The following TNFRSF10A variants were observed in gnomAD, a reference collection of about 807,000 sequenced individuals.
TNFRSF10A encodes the protein TNF receptor superfamily member 10a, also known as tumor necrosis factor receptor superfamily member 10A.
In TNFRSF10A, 44 loss-of-function variants were observed where a neutral mutation model predicts 42.8. That is an observed-to-expected ratio of 1.03 (90% CI 0.81 to 1.32). The LOEUF is 1.32. TNFRSF10A is among the 40% of genes most tolerant of loss of function. TNFRSF10A has a pLI of 0.00. For synonymous variants in TNFRSF10A, 259 were observed against 234.2 expected, an observed-to-expected ratio of 1.11 and a Z score of -0.97; for missense variants, 680 against 602.0, an observed-to-expected ratio of 1.13 and a Z score of -1.36.
At chr8:23,216,549 C>T (rs760809545) in intron 1 of TNFRSF10A, among the ~76,000 whole-genome samples, 5 of 152,046 alleles carry the variant, frequency 3.3e-5, no homozygotes, top group South Asian at 4.2e-4. Flanking sequence ...CAAGACCAGC[C>T]TGTGCAACAT....
intron 2 of TNFRSF10A, among the ~76,000 whole-genome samples, chr8:23,210,419 C>T (rs1168111355): frequency 2.0e-5 from 3 of 152,102 alleles, no homozygotes; most frequent in East Asian, 1.9e-4. Flanking sequence ...CGGTGGCTCA[C>T]GACTGTAATC....
intron 2 of TNFRSF10A, among the ~76,000 whole-genome samples, chr8:23,204,875 A>G (rs1800983491): frequency 1.3e-5 from 2 of 152,146 alleles, no homozygotes; most frequent in Admixed American, 1.3e-4. Context: ...ACAACATACC[A>G]AAACCTATGG....
chr8:23,221,074 G>C (rs532522308), intron 1 of TNFRSF10A, among the ~76,000 whole-genome samples: 5 of 152,260 alleles, frequency 3.3e-5, no homozygotes, highest in Admixed American at 1.3e-4. Context: ...CCATTCCTTA[G>C]AACCTTCTGC....
At chr8:23,221,968 C>T (rs1406007215) in intron 1 of TNFRSF10A, among the ~76,000 whole-genome samples, 1 of 151,962 alleles carries the variant, frequency 6.6e-6, no homozygotes, top group African/African-American at 2.4e-5. Flanking sequence ...GCTCTGCCTC[C>T]CGGGTTCACG....
At chr8:23,224,587 C>A (rs1801307387) in intron 1 of TNFRSF10A, 169 bp downstream of exon 1, 2 of 908,678 alleles carry the variant, frequency 2.2e-6, no homozygotes, top group Non-Finnish European at 3.3e-6. Flanking sequence ...TCCTGCCTGG[C>A]CCCGGGGACC....
chr8:23,202,110 G>C (rs1004852737), intron 3 of TNFRSF10A, among the ~76,000 whole-genome samples, 191 bp from the exon 4 acceptor site: 6 of 152,110 alleles, frequency 3.9e-5, no homozygotes, highest in Non-Finnish European at 5.9e-5. Flanking sequence ...CCAACACTTG[G>C]AGTCATACAA....
chr8:23,205,550 G>A (rs967594985), intron 2 of TNFRSF10A, among the ~76,000 whole-genome samples: 7 of 152,078 alleles, frequency 4.6e-5, no homozygotes, highest in Non-Finnish European at 1.0e-4. Flanking sequence ...ACAGCCTCAT[G>A]CAGTTTTCCA....
rs1428538212 is a variant in TNFRSF10A at position 23,191,539 on chromosome 8, A to AGG, written c.*154_*155insCC. On this transcript the variant is annotated 3_prime_UTR_variant, in exon 10 of 10. Transcript: ENST00000221132. ...GGTCTTGAACTTCTGACCTCAAGTG[A>AGG]TCCACCCGCCTCAGCCTCCCAAAGT... The AGG allele has an allele frequency of 8.1e-6, 9 of 1,112,678 alleles. No homozygotes were observed. In the East Asian group the frequency reaches 2.3e-4, roughly 29 times the overall value. The allele number at this position is 1,112,678 out of a possible 1,614,324, so 68.9% of individuals were successfully genotyped here.
At chr8:23,215,282 CA>C (rs1801161545) in intron 1 of TNFRSF10A, among the ~76,000 whole-genome samples, 1 of 151,978 alleles carries the variant, frequency 6.6e-6, no homozygotes, top group Non-Finnish European at 1.5e-5. Context: ...TTTGGGAGGC[CA>C]AAGTGGGCGA....
At chr8:23,216,969 C>A (rs1301719321) in intron 1 of TNFRSF10A, among the ~76,000 whole-genome samples, 1 of 151,938 alleles carries the variant, frequency 6.6e-6, no homozygotes, top group Non-Finnish European at 1.5e-5. Flanking sequence ...TGGTGAAGTA[C>A]CATGTTCATA....
intron 1 of TNFRSF10A, among the ~76,000 whole-genome samples, chr8:23,216,787 G>A (rs539407265): frequency 2.6e-5 from 4 of 151,452 alleles, no homozygotes; most frequent in Non-Finnish European, 5.9e-5. Context: ...GATTTCATTC[G>A]TGAACTATGA....
At chr8:23,215,956 T>C (rs1345243912) in intron 1 of TNFRSF10A, among the ~76,000 whole-genome samples, 1 of 151,982 alleles carries the variant, frequency 6.6e-6, no homozygotes, top group African/African-American at 2.4e-5. Flanking sequence ...GTAGCTGGGA[T>C]TACAGGCATG....
chr8:23,199,583 G>C, intron 7 of TNFRSF10A, 135 bp from the exon 8 acceptor site: 1 of 1,134,810 alleles, frequency 8.8e-7, no homozygotes, highest in Admixed American at 2.5e-5. Flanking sequence ...AGCACATCCA[G>C]GACCTGCTGC....
chr8:23,192,295 G>T (rs541386223), intron 9 of TNFRSF10A, among the ~76,000 whole-genome samples: 1 of 152,218 alleles, frequency 6.6e-6, no homozygotes, highest in African/African-American at 2.4e-5. Context: ...TTGACCCTAC[G>T]GAGGCAGAAA....
Position 23,201,822 on chromosome 8 carries a change from C to T in TNFRSF10A, c.615G>A (p.Arg205=), listed in dbSNP as rs1386135737. The T allele has an allele frequency of 1.9e-6, 3 of 1,614,156 alleles. No homozygotes were observed. In the South Asian group the frequency reaches 3.3e-5, roughly 18 times the overall value. ...TGTTGTCTCACCCTCTGCTGCACTT[C>T]CGGCACATCTCAGCAGAATTGTCAT... is the stretch of plus-strand genomic sequence containing the variant. ...FRNDNSAEMC[R]KCSRGCPRGM... is the part of the protein sequence containing the mutation. The change falls in exon 4 of 10, where the codon CGG becomes CGA. Residue 205 remains arginine, a synonymous_variant. Coordinates refer to ENST00000221132, the MANE Select transcript of TNFRSF10A (RefSeq NM_003844.4).
At chr8:23,212,949 G>A (rs1315186288) in intron 1 of TNFRSF10A, among the ~76,000 whole-genome samples, 1 of 152,194 alleles carries the variant, frequency 6.6e-6, no homozygotes, top group African/African-American at 2.4e-5. Flanking sequence ...CTCCAACTCA[G>A]TTTCTTGGAA....
intron 2 of TNFRSF10A, among the ~76,000 whole-genome samples, chr8:23,203,397 G>C (rs1299112963): frequency 3.9e-5 from 6 of 152,166 alleles, no homozygotes; most frequent in East Asian, 1.9e-4. Flanking sequence ...AAGGAAAAAG[G>C]GTCCTCCCTA....
intron 7 of TNFRSF10A, 133 bp from the exon 8 acceptor site, chr8:23,199,581 C>G: frequency 8.7e-7 from 1 of 1,144,526 alleles, no homozygotes; most frequent in African/African-American, 1.5e-5. Flanking sequence ...TCAGCACATC[C>G]AGGACCTGCT....
At chr8:23,197,092 C>T (rs1800832386) in intron 9 of TNFRSF10A, 40 bp downstream of exon 9, 3 of 1,613,396 alleles carry the variant, frequency 1.9e-6, no homozygotes, top group Non-Finnish European at 2.5e-6. Flanking sequence ...CGTCCCTATT[C>T]CCACCATTTC....
Sources: allele counts gnomAD v4.1 joint callset (sites outside exome capture counted in the v4.1 genomes callset), GRCh38; gene constraint gnomAD v4.1.1; transcripts MANE v1.5; gene names NCBI Gene and HGNC (gene_info 2026-07-23, HGNC 2026-07-21).